The following DLG2 variants were observed in gnomAD, a reference collection of about 807,000 sequenced individuals.
DLG2 encodes discs large MAGUK scaffold protein 2.
In DLG2, 45 loss-of-function variants were observed where a neutral mutation model predicts 132.5. The ratio of observed to expected loss-of-function variants is 0.34; its 90% confidence interval spans 0.27 to 0.44. DLG2 has a LOEUF of 0.44. Ranked by LOEUF, DLG2 falls within the 20% of genes least tolerant of loss-of-function variation. DLG2 has a pLI of 1.00. For synonymous variants in DLG2, 424 were observed against 419.6 expected, an observed-to-expected ratio of 1.01 and a Z score of -0.13; for missense variants, 1,045 against 1,196.9, an observed-to-expected ratio of 0.87 and a Z score of 1.87.
intron 15 of DLG2, among the ~76,000 whole-genome samples, chr11:83,928,631 G>GACC (rs1271498082): frequency 4.6e-5 from 7 of 152,098 alleles, no homozygotes; most frequent in Admixed American, 4.6e-4. Flanking sequence ...ATGGCTAATG[G>GACC]TCTGCCAGGT....
intron 16 of DLG2, among the ~76,000 whole-genome samples, chr11:83,850,161 T>TGTGTG (rs58290466): frequency 0.02 from 2,515 of 126,778 alleles, 37 homozygotes; most frequent in Middle Eastern, 0.033. Flanking sequence ...TGTGTGTGTG[T>TGTGTG]TTTTTTACTT....
chr11:85,467,320 G>T (rs1249763462), intron 3 of DLG2, among the ~76,000 whole-genome samples: 1 of 152,086 alleles, frequency 6.6e-6, no homozygotes, highest in Admixed American at 6.5e-5. Context: ...CTGCCTGATT[G>T]CCCTGGCCAG....
At chr11:84,223,331 G>A (rs2096942456) in intron 8 of DLG2, among the ~76,000 whole-genome samples, 1 of 151,960 alleles carries the variant, frequency 6.6e-6, no homozygotes, top group Non-Finnish European at 1.5e-5. Flanking sequence ...CTGCGCATGG[G>A]ATTCTAAACA....
At chr11:84,476,694 C>T (rs1405765253) in intron 7 of DLG2, among the ~76,000 whole-genome samples, 1 of 152,128 alleles carries the variant, frequency 6.6e-6, no homozygotes, top group African/African-American at 2.4e-5. Context: ...GGAATTCAAC[C>T]TTTATGTTGT....
At chr11:85,413,541 T>C (rs577580896) in intron 3 of DLG2, among the ~76,000 whole-genome samples, 33 of 152,174 alleles carry the variant, frequency 2.2e-4, no homozygotes, top group African/African-American at 6.5e-4. Context: ...TTTCCGGTCT[T>C]AGATTTAAGT....
intron 3 of DLG2, among the ~76,000 whole-genome samples, chr11:85,471,594 G>C (rs569811937): frequency 6.6e-6 from 1 of 152,228 alleles, no homozygotes; most frequent in East Asian, 1.9e-4. Context: ...AAGTTTGAAA[G>C]CTGTTAGGAA....
Position 84,584,353 on chromosome 11 carries a change from C to T in DLG2, c.358-49622G>A, listed in dbSNP as rs1009632319. Among the ~76,000 whole-genome samples, 9 of 151,782 alleles carry T rather than the reference C, an allele frequency of 5.9e-5. No individual in the cohort carries two copies. The South Asian group carries it at 1.9e-3, about 32-fold the overall frequency. ...TTGATGATGTCTATTGAACATTTTT[C>T]TGTTGTATTATTTATATTTATTTTT... On this transcript the variant is annotated intron_variant, in intron 6 of 27. Transcript: ENST00000376104.
At chr11:85,427,696 T>G (rs1016312129) in intron 3 of DLG2, among the ~76,000 whole-genome samples, 1 of 152,154 alleles carries the variant, frequency 6.6e-6, no homozygotes, top group African/African-American at 2.4e-5. Flanking sequence ...AGATCACCAA[T>G]GCTAGGAAGA....
chr11:84,637,137 G>A (rs1159553496), intron 6 of DLG2, among the ~76,000 whole-genome samples: 1 of 152,108 alleles, frequency 6.6e-6, no homozygotes, highest in Admixed American at 6.6e-5. Context: ...GTGAAGTGTG[G>A]TAAGTGTCCA....
intron 3 of DLG2, among the ~76,000 whole-genome samples, chr11:85,514,497 T>C (rs1387272901): frequency 4.6e-5 from 7 of 151,932 alleles, no homozygotes; most frequent in African/African-American, 1.7e-4. Flanking sequence ...GGAAAGTGCT[T>C]TCATCTCTGG....
intron 17 of DLG2, among the ~76,000 whole-genome samples, chr11:83,816,500 T>C (rs569279267): frequency 1.1e-4 from 16 of 152,258 alleles, no homozygotes; most frequent in African/African-American, 2.9e-4. Flanking sequence ...CAGTTTTTTT[T>C]CACTGGAAAA....
chr11:84,235,466 C>T (rs2097146450), intron 8 of DLG2, among the ~76,000 whole-genome samples: 1 of 152,058 alleles, frequency 6.6e-6, no homozygotes, highest in Admixed American at 6.6e-5. Flanking sequence ...ATCACTTGAG[C>T]CCAGGAGCTT....
intron 9 of DLG2, among the ~76,000 whole-genome samples, chr11:84,113,146 T>G (rs186769552): frequency 1.1e-4 from 17 of 152,232 alleles, no homozygotes; most frequent in Non-Finnish European, 1.3e-4. Flanking sequence ...TCCCATACAC[T>G]CACACAAAAA....
chr11:84,084,992 C>T (rs2096956728), intron 10 of DLG2, among the ~76,000 whole-genome samples: 1 of 152,212 alleles, frequency 6.6e-6, no homozygotes, highest in Admixed American at 6.5e-5. Flanking sequence ...TCTACTGCAA[C>T]AGTCCCTGAA....
At chr11:83,535,486 A>G (rs1228144591) in intron 20 of DLG2, among the ~76,000 whole-genome samples, 3 of 151,964 alleles carry the variant, frequency 2.0e-5, no homozygotes, top group Non-Finnish European at 4.4e-5. Context: ...ATCCTTTTCA[A>G]TTTTCTTGAG....
chr11:85,533,196 G>A (rs1482746377), intron 3 of DLG2, among the ~76,000 whole-genome samples: 1 of 151,904 alleles, frequency 6.6e-6, no homozygotes. Flanking sequence ...GCTAATTTTT[G>A]TATTTTTAGT....
At chr11:84,499,224 T>C (rs775351408) in intron 7 of DLG2, among the ~76,000 whole-genome samples, 1 of 152,226 alleles carries the variant, frequency 6.6e-6, no homozygotes, top group Non-Finnish European at 1.5e-5. Context: ...TTTTCTCCTC[T>C]ATAAAACTGA....
At chr11:84,503,091 A>G (rs1289987565) in intron 7 of DLG2, among the ~76,000 whole-genome samples, 1 of 152,216 alleles carries the variant, frequency 6.6e-6, no homozygotes, top group Non-Finnish European at 1.5e-5. Context: ...GATTTGAAGG[A>G]TAGCAGTAAA....
intron 5 of DLG2, among the ~76,000 whole-genome samples, chr11:85,136,584 C>A (rs1245120537): frequency 6.6e-6 from 1 of 152,076 alleles, no homozygotes; most frequent in African/African-American, 2.4e-5. Flanking sequence ...ACTTGATATT[C>A]CTTGAGGTTA....
Sources: gnomAD v4.1 joint callset for allele counts (sites outside exome capture counted in the v4.1 genomes callset) on GRCh38, gnomAD v4.1.1 for gene constraint, MANE v1.5 for transcripts, NCBI Gene and HGNC (gene_info 2026-07-23, HGNC 2026-07-21) for gene names.